CDHR3: variants seen among roughly 807,000 people sequenced by gnomAD.
CDHR3 encodes cadherin related family member 3.
CDHR3 carries 79 observed loss-of-function variants against 86.6 expected under a neutral mutation model. The ratio of observed to expected loss-of-function variants is 0.91; its 90% CI spans 0.76 to 1.10. The LOEUF is 1.10. Ranked by LOEUF, CDHR3 falls within the 50% of genes least tolerant of loss-of-function variation. CDHR3 has a pLI of 0.00. For missense variants in CDHR3, 1,081 were observed against 1,077.6 expected (o/e 1.00, Z -0.04); for synonymous variants, 421 against 402.4 (o/e 1.05, Z -0.55).
At chr7:106,029,097 G>A (rs1326107205) in intron 17 of CDHR3, among the ~76,000 whole-genome samples, 2 of 151,486 alleles carry the variant, frequency 1.3e-5, no homozygotes, top group Admixed American at 1.3e-4. Context: ...CTCATGCCTC[G>A]GCCTCCCAAG....
intron 6 of CDHR3, among the ~76,000 whole-genome samples, chr7:106,000,600 A>G (rs1044560501): frequency 1.3e-5 from 2 of 152,212 alleles, no homozygotes; most frequent in East Asian, 3.8e-4. Context: ...CCTCAGCAAA[A>G]GGACTTCCTG....
intron 6 of CDHR3, among the ~76,000 whole-genome samples, chr7:105,999,201 C>T (rs530446373): frequency 6.6e-6 from 1 of 152,298 alleles, no homozygotes; most frequent in South Asian, 2.1e-4. Context: ...ACTGTGGTCT[C>T]CGTTGAATGA....
chr7:105,978,391 C>T (rs1057079711), intron 2 of CDHR3, among the ~76,000 whole-genome samples: 2 of 152,220 alleles, frequency 1.3e-5, no homozygotes, highest in African/African-American at 2.4e-5. Context: ...TGACTCCCCT[C>T]TTTTCCCATC....
chr7:105,987,195 A>G (rs951566998), intron 4 of CDHR3, among the ~76,000 whole-genome samples: 1 of 152,188 alleles, frequency 6.6e-6, no homozygotes, highest in Non-Finnish European at 1.5e-5. Flanking sequence ...TGCTCCCTTC[A>G]GAAAAAAAAA....
intron 8 of CDHR3, among the ~76,000 whole-genome samples, chr7:106,008,426 C>T (rs1184291459): frequency 2.6e-5 from 4 of 152,154 alleles, no homozygotes; most frequent in East Asian, 1.9e-4. Context: ...TTCACTCTCA[C>T]GAGCCCTGAG....
At position 106,028,916 on chromosome 7, in the gene CDHR3, T is replaced by TTTTCTTTCTTTCTTTCTTTTTC. The variant is rs1837801912; in HGVS notation, c.2304+353_2304+354insTTCTTTCTTTCTTTCTTTCTTT. Among the ~76,000 whole-genome samples, 225 of 83,082 alleles carry TTTTCTTTCTTTCTTTCTTTTTC rather than the reference T, an allele frequency of 2.7e-3. 6 individuals are homozygous for TTTTCTTTCTTTCTTTCTTTTTC. The highest frequency in any genetic ancestry group is 3.1e-3 in the East Asian group (7 of 2,236). 54.5% of individuals were successfully genotyped at this position (83,082 alleles called of 152,430 possible). A position where few individuals can be genotyped will look rare whatever the true frequency, so the allele number is the denominator to read the frequency against. Reference sequence around the variant, plus strand: ...GCTTCAGCCTCCAGTGAGATTTAAATTTTCTTTCTTTCTTTCTTTCTTTCT... The same window carrying TTTTCTTTCTTTCTTTCTTTTTC: ...GCTTCAGCCTCCAGTGAGATTTAAATTTTCTTTCTTTCTTTCTTTTTCTTTCTTTCTTTCTTTCTTTCTTTCT... On this transcript the variant is annotated intron_variant, in intron 17 of 18. Transcript: ENST00000317716.
Position 105,996,366 on chromosome 7 carries a change from G to A in CDHR3, c.713+12G>A, listed in dbSNP as rs771544793. On this transcript the variant is annotated intron_variant, in intron 6 of 18. Transcript: ENST00000317716. Reference sequence around the variant, plus strand: ...CCTCGCTTTACCAGGTAGGCCTGAGGGCATGCAGGACTCCCTGGGCCGCAG... The same window carrying A: ...CCTCGCTTTACCAGGTAGGCCTGAGAGCATGCAGGACTCCCTGGGCCGCAG... 6.5e-7 allele frequency: 1 copy of A among 1,535,534 alleles called. No homozygotes were observed. Among genetic ancestry groups the A allele is most frequent in the Non-Finnish European group, 9.0e-7 (1 of 1,115,838 alleles).
In CDHR3 at chr7:106,033,948, C is replaced by T. The variant is rs762483847; in HGVS notation, c.*1251C>T. On this transcript the variant is annotated 3_prime_UTR_variant, in exon 19 of 19. Transcript: ENST00000317716. Reference sequence around the variant, plus strand: ...AGTTGCAATTGCTCTCTATCCTTGCCAACACTTGGGATTGTCAATCCTTTT... The same window carrying T: ...AGTTGCAATTGCTCTCTATCCTTGCTAACACTTGGGATTGTCAATCCTTTT... Among the ~76,000 whole-genome samples the T allele has an allele frequency of 4.6e-5, 7 of 152,166 alleles. No individual in the cohort carries two copies. The highest frequency in any genetic ancestry group is 3.9e-4 in the East Asian group (2 of 5,192).
intron 1 of CDHR3, among the ~76,000 whole-genome samples, chr7:105,968,566 G>A (rs1438791680): frequency 2.6e-5 from 4 of 152,068 alleles, no homozygotes; most frequent in South Asian, 4.2e-4. Flanking sequence ...TCACCATGTC[G>A]GCCAGGCTAG....
chr7:106,031,447 T>C (rs1287028709), intron 18 of CDHR3, among the ~76,000 whole-genome samples: 1 of 152,170 alleles, frequency 6.6e-6, no homozygotes, highest in East Asian at 1.9e-4. Context: ...ATTATAGACG[T>C]GAATAAAGGG....
Position 106,036,152 on chromosome 7 carries a change from T to C in CDHR3, c.*3455T>C, listed in dbSNP as rs1432682753. ...CATTGGAGCTTTTTGTTGTGCTCAT[T>C]AGAAAGCAGGGTCTGAAACTCAGCC... is the stretch of plus-strand genomic sequence containing the variant. On this transcript the variant is annotated 3_prime_UTR_variant, in exon 19 of 19. Coordinates refer to ENST00000317716, the MANE Select transcript of CDHR3 (RefSeq NM_152750.5). The C allele has an allele frequency of 6.6e-6, 1 of 152,162 alleles. No homozygotes were observed. The highest frequency in any genetic ancestry group is 2.4e-5 in the African/African-American group (1 of 41,434). The allele number at this position is 152,162 out of a possible 1,614,324, so 9.4% of individuals were successfully genotyped here.
rs184921567 is a variant in CDHR3, at chr7:106,032,539, A to G, written c.2500A>G (p.Arg834Gly). 883 of 1,613,986 alleles carry G rather than the reference A, an allele frequency of 5.5e-4. 9 individuals are homozygous for G. Among genetic ancestry groups the G allele is most frequent in the Non-Finnish European group, 5.0e-5 (59 of 1,179,858 alleles). ...TGCTGGGGAAGGGATGGGGTCACTG[A>G]GAAGTGCCAACTGGGAAGAAGATGA... is the stretch of plus-strand genomic sequence containing the variant. Reference protein sequence around the residue: ...VTAGEGMGSLRSANWEEDELS... With the variant: ...VTAGEGMGSLGSANWEEDELS... The change falls in exon 19 of 19, where the codon AGA (arginine) becomes GGA (glycine). Residue 834 changes from arginine to glycine, a missense_variant. Coordinates refer to ENST00000317716, the MANE Select transcript of CDHR3 (RefSeq NM_152750.5).
At chr7:106,018,143 A>G in intron 12 of CDHR3, 71 bp downstream of exon 12, 3 of 1,258,274 alleles carry the variant, frequency 2.4e-6, no homozygotes, top group Non-Finnish European at 3.4e-6. Context: ...GCACCCCCAG[A>G]GTGTGGATGT....
In CDHR3 at chr7:105,980,865, G is replaced by A. The variant is rs991653322; in HGVS notation, c.250-103G>A. 1.8e-5 allele frequency: 19 copies of A among 1,075,282 alleles called. No individual in the cohort carries two copies. The African/African-American group carries it at 1.9e-4, about 11-fold the overall frequency. 66.6% of individuals were successfully genotyped at this position (1,075,282 alleles called of 1,614,324 possible). A position where few individuals can be genotyped will look rare whatever the true frequency, so the allele number is the denominator to read the frequency against. On this transcript the variant is annotated intron_variant, in intron 2 of 18. Coordinates refer to ENST00000317716, the MANE Select transcript of CDHR3 (RefSeq NM_152750.5). ...ACAGTGAATGAATGCTGGTTTCCGG[G>A]ATGCCAGATGCTTCCTTCCTAGGAA...
chr7:106,032,997 C>T lies in CDHR3; in HGVS notation c.*300C>T, dbSNP rs1046350048. 8.2e-6 allele frequency: 3 copies of T among 363,926 alleles called. No individual in the cohort carries two copies. In the South Asian group the frequency reaches 1.5e-4, roughly 19 times the overall value. The allele number at this position is 363,926 out of a possible 1,614,324, so 22.5% of individuals were successfully genotyped here. ...TTGTTGTGTTTCTTCTTTGCATTGA[C>T]TGCTAGGAAGCTCTATTCTGTTCAC... On this transcript the variant is annotated 3_prime_UTR_variant, in exon 19 of 19. Transcript: ENST00000317716.
intron 8 of CDHR3, among the ~76,000 whole-genome samples, chr7:106,005,653 AC>A (rs745698234): frequency 1.3e-5 from 2 of 152,134 alleles, no homozygotes; most frequent in Admixed American, 6.5e-5. Flanking sequence ...TCTCCAGGCG[AC>A]TCTGGACATA....
At chr7:105,996,825 G>A (rs1324215781) in intron 6 of CDHR3, among the ~76,000 whole-genome samples, 1 of 152,120 alleles carries the variant, frequency 6.6e-6, no homozygotes, top group Non-Finnish European at 1.5e-5. Context: ...TTCCTGCCAT[G>A]GTGGATCCAG....
At chr7:105,984,860 A>T (rs1027736748) in intron 4 of CDHR3, among the ~76,000 whole-genome samples, 1 of 152,082 alleles carries the variant, frequency 6.6e-6, no homozygotes, top group African/African-American at 2.4e-5. Context: ...GGAGTTTGAG[A>T]CCAGCCTAGG....
At chr7:105,998,864 T>C (rs1450435363) in intron 6 of CDHR3, among the ~76,000 whole-genome samples, 2 of 152,158 alleles carry the variant, frequency 1.3e-5, no homozygotes, top group African/African-American at 4.8e-5. Flanking sequence ...GCTTGCTGTG[T>C]GTGCACAGCA....
Sources: allele counts gnomAD v4.1 joint callset (sites outside exome capture counted in the v4.1 genomes callset), GRCh38; gene constraint gnomAD v4.1.1; transcripts MANE v1.5; gene names NCBI Gene and HGNC (gene_info 2026-07-23, HGNC 2026-07-21).